Variants in MBNL2 observed in about 807,000 individuals in gnomAD.
MBNL2 encodes the protein muscleblind like splicing regulator 2, also known as muscleblind-like protein 2.
In MBNL2, 17 loss-of-function variants were observed where a neutral mutation model predicts 41.9. That is an observed-to-expected ratio of 0.41 (90% confidence interval 0.28 to 0.61). The LOEUF (loss-of-function observed/expected upper bound fraction) is 0.61. Ranked by LOEUF, MBNL2 falls within the 20% of genes least tolerant of loss-of-function variation. MBNL2 has a pLI of 0.35. For synonymous variants in MBNL2, 195 were observed against 182.9 expected (o/e 1.07, Z -0.53); for missense variants, 336 against 505.6 (o/e 0.66, Z 3.22).
At chr13:97,301,747 A>T (rs1193658711) in intron 2 of MBNL2, among the ~76,000 whole-genome samples, 2 of 152,196 alleles carry the variant, frequency 1.3e-5, no homozygotes, top group African/African-American at 2.4e-5. Flanking sequence ...ACCAGTTTAG[A>T]TGCGGGGTTT....
intron 2 of MBNL2, among the ~76,000 whole-genome samples, chr13:97,292,355 T>C (rs1465649693): frequency 2.0e-5 from 3 of 152,188 alleles, no homozygotes; most frequent in Non-Finnish European, 2.9e-5. Flanking sequence ...GAGCTGGGTG[T>C]AAACCCAAAG....
the MBNL2 span, among the ~76,000 whole-genome samples, chr13:97,195,324 CT>C: frequency 9.2e-5 from 14 of 152,264 alleles, no homozygotes; most frequent in South Asian, 1.2e-3. Context: ...CTTCATGCTC[CT>C]CATATTCACT....
At chr13:97,387,821 G>T (rs1055401035) in intron 8 of MBNL2, among the ~76,000 whole-genome samples, 1 of 152,162 alleles carries the variant, frequency 6.6e-6, no homozygotes, top group Non-Finnish European at 1.5e-5. Context: ...AATTCTCAGA[G>T]CCTCCTGAAA....
At chr13:97,376,239 C>T (rs1339461208) in intron 8 of MBNL2, among the ~76,000 whole-genome samples, 1 of 152,162 alleles carries the variant, frequency 6.6e-6, no homozygotes, top group Non-Finnish European at 1.5e-5. Context: ...CCTGGCTTGC[C>T]TTTGCTCACC....
At chr13:97,371,148 A>C (rs1405610705) in intron 8 of MBNL2, among the ~76,000 whole-genome samples, 1 of 152,208 alleles carries the variant, frequency 6.6e-6, no homozygotes, top group Non-Finnish European at 1.5e-5. Flanking sequence ...TAATTTGTTT[A>C]GTATTTTTTA....
At chr13:97,166,875 TC>T in the MBNL2 span, among the ~76,000 whole-genome samples, 57 of 141,574 alleles carry the variant, frequency 4.0e-4, no homozygotes, top group African/African-American at 1.5e-3. Context: ...ATTAGTTCTG[TC>T]CCTCTAGAGA....
chr13:97,345,892 G>A (rs2061802393), intron 4 of MBNL2, among the ~76,000 whole-genome samples: 1 of 152,018 alleles, frequency 6.6e-6, no homozygotes, highest in African/African-American at 2.4e-5. Flanking sequence ...AAAACCTATA[G>A]CATTGTCAGA....
intron 2 of MBNL2, among the ~76,000 whole-genome samples, chr13:97,307,362 A>C (rs1285234851): frequency 6.6e-6 from 1 of 152,084 alleles, no homozygotes; most frequent in African/African-American, 2.4e-5. Context: ...AGTTGCTTAA[A>C]AGAGATGTAT....
In MBNL2 at chr13:97,343,228, C is replaced by T. The variant is rs1237213227; in HGVS notation, c.540+12C>T. On this transcript the variant is annotated intron_variant, in intron 4 of 8. Coordinates refer to ENST00000679496, the MANE Select transcript of MBNL2 (RefSeq NM_001382683.1). ...CTGACAAACTGGAGGTACTTCAATT[C>T]TACTTGTGTTTTGACATGCATTTGT... The T allele has an allele frequency of 6.3e-7, 1 of 1,575,708 alleles. No individual in the cohort carries two copies. The highest frequency in any genetic ancestry group is 1.1e-5 in the South Asian group (1 of 87,136).
chr13:97,375,707 G>C (rs1367126163), intron 8 of MBNL2, among the ~76,000 whole-genome samples: 1 of 152,196 alleles, frequency 6.6e-6, no homozygotes, highest in African/African-American at 2.4e-5. Context: ...CCTCACATCT[G>C]TCTGACTTTG....
At position 97,287,032 on chromosome 13, in the gene MBNL2, A is replaced by G. The variant is rs180825611; in HGVS notation, c.174+10623A>G. 1.6e-3 allele frequency among the ~76,000 whole-genome samples: 250 copies of G among 152,314 alleles called. 2 individuals carry two copies. Among genetic ancestry groups the G allele is most frequent in the African/African-American group, 5.7e-3 (237 of 41,568 alleles). On this transcript the variant is annotated intron_variant, in intron 2 of 8. Coordinates refer to ENST00000679496, the MANE Select transcript of MBNL2 (RefSeq NM_001382683.1). ...AAATTTTTAGATTCTAACTGTTCCAATAAAATTCAAATCGCTTTTCTGGCT... is the reference window on the plus strand; with the variant it reads ...AAATTTTTAGATTCTAACTGTTCCAGTAAAATTCAAATCGCTTTTCTGGCT...
intron 2 of MBNL2, among the ~76,000 whole-genome samples, chr13:97,333,423 T>C (rs1346311091): frequency 6.6e-6 from 1 of 152,226 alleles, no homozygotes; most frequent in East Asian, 1.9e-4. Flanking sequence ...AATATTACTT[T>C]AGCCATAAAC....
the MBNL2 span, among the ~76,000 whole-genome samples, chr13:97,166,374 C>G: frequency 6.6e-6 from 1 of 152,088 alleles, no homozygotes. Flanking sequence ...CATAAGGTAG[C>G]CACAGAGTGA....
Position 97,276,294 on chromosome 13 carries a change from G to T in MBNL2, c.59G>T (p.Arg20Ile). 6.2e-7 allele frequency: 1 copy of T among 1,614,018 alleles called. No homozygotes were observed. The highest frequency in any genetic ancestry group is 8.5e-7 in the Non-Finnish European group (1 of 1,179,898). The change falls in exon 2 of 9, where the codon AGA (arginine) becomes ATA (isoleucine). Residue 20 changes from arginine to isoleucine, a missense_variant. Physicochemically the swap from Arg to Ile is moderately conservative, Grantham distance 97 (BLOSUM62 -3). Coordinates refer to ENST00000679496, the MANE Select transcript of MBNL2 (RefSeq NM_001382683.1). ...DTKWLTLEVC[R>I]QFQRGTCSRS... ...AAATGGCTGACATTAGAAGTCTGCA[G>T]ACAGTTTCAAAGAGGAACATGCTCA...
the MBNL2 span, among the ~76,000 whole-genome samples, chr13:97,202,874 G>C: frequency 6.6e-6 from 1 of 152,192 alleles, no homozygotes; most frequent in Non-Finnish European, 1.5e-5. Context: ...ACAGTGGCTG[G>C]GTTTGAACTG....
chr13:97,279,942 A>G (rs1281127252), intron 2 of MBNL2, among the ~76,000 whole-genome samples: 1 of 152,196 alleles, frequency 6.6e-6, no homozygotes, highest in African/African-American at 2.4e-5. Context: ...GTTGCATTTT[A>G]TGTAAAACAC....
intron 1 of MBNL2, among the ~76,000 whole-genome samples, chr13:97,243,863 C>A (rs1225017411): frequency 1.3e-5 from 2 of 152,128 alleles, no homozygotes; most frequent in Admixed American, 1.3e-4. Flanking sequence ...TATCCTCCGG[C>A]ATGGATCTTA....
chr13:97,212,296 C>T, the MBNL2 span, among the ~76,000 whole-genome samples: 1 of 152,174 alleles, frequency 6.6e-6, no homozygotes, highest in East Asian at 1.9e-4. Flanking sequence ...ATTCATTTGA[C>T]AGTGGAAACA....
At chr13:97,178,725 G>C in the MBNL2 span, among the ~76,000 whole-genome samples, 10 of 152,044 alleles carry the variant, frequency 6.6e-5, no homozygotes, top group Non-Finnish European at 1.2e-4. Flanking sequence ...GTGAGACCCT[G>C]TCTCTACATA....
Sources: gnomAD v4.1 joint callset for allele counts (sites outside exome capture counted in the v4.1 genomes callset) on GRCh38, gnomAD v4.1.1 for gene constraint, MANE v1.5 for transcripts, NCBI Gene and HGNC (gene_info 2026-07-23, HGNC 2026-07-21) for gene names.